Variants in PDZRN3 observed in about 807,000 individuals in gnomAD.
PDZRN3 encodes the protein PDZ domain containing ring finger 3.
Under a neutral mutation model 85.7 loss-of-function variants are expected in PDZRN3, and 38 were observed. The observed-to-expected ratio is 0.44, with a 90% CI of 0.34 to 0.58. The LOEUF is 0.58. Among genes scored for constraint, PDZRN3 ranks in the 20% least tolerant of loss-of-function variants. The pLI, the probability that PDZRN3 is intolerant of heterozygous loss-of-function variation, is 0.01. For synonymous variants in PDZRN3, 759 were observed against 638.0 expected, an observed-to-expected ratio of 1.19 and a Z score of -2.86; for missense variants, 1,629 against 1,506.4, an observed-to-expected ratio of 1.08 and a Z score of -1.35.
intron 3 of PDZRN3, among the ~76,000 whole-genome samples, chr3:73,497,659 C>G (rs1157103382): frequency 6.6e-6 from 1 of 152,216 alleles, no homozygotes; most frequent in Non-Finnish European, 1.5e-5. Flanking sequence ...CCAGCTTAAA[C>G]AGTTATCAAC....
At chr3:73,472,613 T>C (rs1703367329) in intron 3 of PDZRN3, among the ~76,000 whole-genome samples, 1 of 152,196 alleles carries the variant, frequency 6.6e-6, no homozygotes. Flanking sequence ...CAGCACTTTG[T>C]CTCTCTTAGC....
chr3:73,467,637 A>T (rs1703247746), intron 3 of PDZRN3, among the ~76,000 whole-genome samples: 1 of 152,162 alleles, frequency 6.6e-6, no homozygotes, highest in Non-Finnish European at 1.5e-5. Flanking sequence ...GCGCCTTGCT[A>T]ATATTTGCTA....
intron 3 of PDZRN3, among the ~76,000 whole-genome samples, chr3:73,442,817 G>A (rs1702667893): frequency 6.6e-6 from 1 of 152,024 alleles, no homozygotes; most frequent in Non-Finnish European, 1.5e-5. Context: ...GGGGTATGTG[G>A]TCCCCCCATG....
intron 1 of PDZRN3, among the ~76,000 whole-genome samples, chr3:73,617,378 G>C (rs1702779953): frequency 6.6e-6 from 1 of 152,084 alleles, no homozygotes; most frequent in Non-Finnish European, 1.5e-5. Flanking sequence ...GGCTTATTAG[G>C]ACACTATTAG....
At position 73,562,329 on chromosome 3, in the gene PDZRN3, T is replaced by C. The variant is rs918046169; in HGVS notation, c.918+40025A>G. On this transcript the variant is annotated intron_variant, in intron 3 of 9. Coordinates refer to ENST00000263666, the MANE Select transcript of PDZRN3 (RefSeq NM_015009.3). ...TAAGTGTAATATAGATAGTGTTTTG[T>C]ACATAGGACATCCAGTATAAGATGG... Among the ~76,000 whole-genome samples the C allele has an allele frequency of 6.6e-5, 10 of 152,304 alleles. No homozygotes were observed. The South Asian group carries it at 1.2e-3, about 19-fold the overall frequency.
intron 3 of PDZRN3, among the ~76,000 whole-genome samples, chr3:73,466,227 T>C (rs532283890): frequency 6.6e-6 from 1 of 152,114 alleles, no homozygotes; most frequent in East Asian, 1.9e-4. Flanking sequence ...TTTTACAAAT[T>C]TGACATATGG....
chr3:73,515,275 A>G (rs1704237269), intron 3 of PDZRN3, among the ~76,000 whole-genome samples: 1 of 145,286 alleles, frequency 6.9e-6, no homozygotes, highest in East Asian at 2.0e-4. Flanking sequence ...TCCCAGGTTT[A>G]CACCATTCTC....
chr3:73,459,578 C>A (rs572225205), intron 3 of PDZRN3, among the ~76,000 whole-genome samples: 17 of 152,104 alleles, frequency 1.1e-4, no homozygotes, highest in African/African-American at 3.4e-4. Flanking sequence ...TCACTTAGTT[C>A]GCACTTACAA....
At chr3:73,397,768 G>C (rs970505337) in intron 5 of PDZRN3, among the ~76,000 whole-genome samples, 1 of 152,218 alleles carries the variant, frequency 6.6e-6, no homozygotes, top group Non-Finnish European at 1.5e-5. Context: ...TTATGAGAAG[G>C]TACTTAGGTA....
chr3:73,612,660 T>C (rs1340496370), intron 1 of PDZRN3, among the ~76,000 whole-genome samples: 1 of 152,208 alleles, frequency 6.6e-6, no homozygotes, highest in South Asian at 2.1e-4. Flanking sequence ...AAATGTGTTT[T>C]GGGCATTGTC....
chr3:73,513,002 C>T (rs888948126), intron 3 of PDZRN3, among the ~76,000 whole-genome samples: 2 of 152,118 alleles, frequency 1.3e-5, no homozygotes, highest in African/African-American at 4.8e-5. Context: ...ATGATTTACA[C>T]ACACACACAA....
At chr3:73,558,625 G>A (rs1031322012) in intron 3 of PDZRN3, among the ~76,000 whole-genome samples, 8 of 152,188 alleles carry the variant, frequency 5.3e-5, no homozygotes. Flanking sequence ...CAGGGGCTGG[G>A]ACCCAGAGGA....
intron 5 of PDZRN3, among the ~76,000 whole-genome samples, chr3:73,400,663 G>A (rs1701730430): frequency 1.3e-5 from 2 of 152,170 alleles, no homozygotes; most frequent in Admixed American, 6.5e-5. Flanking sequence ...TTGACAACAG[G>A]ATTTACTGTC....
At chr3:73,419,061 A>G (rs534576418) in intron 3 of PDZRN3, among the ~76,000 whole-genome samples, 1 of 152,318 alleles carries the variant, frequency 6.6e-6, no homozygotes, top group South Asian at 2.1e-4. Context: ...CTAGATCCCT[A>G]TGACGGAGAA....
Position 73,582,787 on chromosome 3 carries a change from C to T in PDZRN3, c.918+19567G>A, listed in dbSNP as rs1702220687. Among the ~76,000 whole-genome samples the T allele has an allele frequency of 2.0e-5, 3 of 152,034 alleles. No individual in the cohort carries two copies. In the South Asian group the frequency reaches 6.2e-4, roughly 32 times the overall value. ...TGTCACTTGTAAAATGAGAATGATA[C>T]TATGTATTATTGCAGTGTTGTGGGG... On this transcript the variant is annotated intron_variant, in intron 3 of 9. Transcript: ENST00000263666.
intron 3 of PDZRN3, chr3:73,408,040 G>A (rs779298473): frequency 2.3e-5 from 15 of 648,572 alleles, no homozygotes; most frequent in East Asian, 5.6e-5. Flanking sequence ...CCACAGAAAC[G>A]CATTTCTGAC....
chr3:73,571,656 A>C (rs1266493716), intron 3 of PDZRN3, among the ~76,000 whole-genome samples: 1 of 152,200 alleles, frequency 6.6e-6, no homozygotes, highest in Non-Finnish European at 1.5e-5. Flanking sequence ...TCAAAGCCGC[A>C]GCTGCCGGGG....
intron 3 of PDZRN3, among the ~76,000 whole-genome samples, chr3:73,552,225 AGTGTGTGTGTGT>A (rs55784793): frequency 1.4e-5 from 2 of 147,752 alleles, no homozygotes; most frequent in Non-Finnish European, 3.0e-5. Flanking sequence ...GAATTAAAGG[AGTGTGTGTGTGT>A]GTGTGTGTGT....
At chr3:73,597,942 T>C (rs1702455232) in intron 3 of PDZRN3, among the ~76,000 whole-genome samples, 1 of 152,150 alleles carries the variant, frequency 6.6e-6, no homozygotes, top group Non-Finnish European at 1.5e-5. Context: ...TCCAATGCTG[T>C]GCAAAACCAG....
Sources: gnomAD v4.1 joint callset for allele counts (sites outside exome capture counted in the v4.1 genomes callset) on GRCh38, gnomAD v4.1.1 for gene constraint, MANE v1.5 for transcripts, NCBI Gene and HGNC (gene_info 2026-07-23, HGNC 2026-07-21) for gene names.